The following KLF17 variants were observed in gnomAD, a reference collection of about 807,000 sequenced individuals.
KLF17 encodes KLF transcription factor 17.
A neutral mutation model predicts 34.2 loss-of-function variants in KLF17; 31 were observed. That is an observed-to-expected ratio of 0.91 (90% CI 0.68 to 1.22). The LOEUF (loss-of-function observed/expected upper bound fraction) is 1.22, where lower values mean the gene tolerates loss of function less well. KLF17 is among the 50% of genes most tolerant of loss of function. The probability of loss-of-function intolerance (pLI) is 0.00; values close to 1 mark genes in which losing one functional copy is unlikely to be tolerated. For missense variants in KLF17, 478 were observed against 505.2 expected (o/e 0.95, Z 0.52); for synonymous variants, 179 against 186.7 (o/e 0.96, Z 0.34).
chr1:44,100,633 T>C, the KLF17 span, among the ~76,000 whole-genome samples: 1 of 138,160 alleles, frequency 7.2e-6, no homozygotes, highest in African/African-American at 2.5e-5. Flanking sequence ...TTTTTGTTTT[T>C]GTTTTTGTTT....
the KLF17 span, among the ~76,000 whole-genome samples, chr1:44,096,004 C>A: frequency 6.6e-6 from 1 of 151,994 alleles, no homozygotes; most frequent in East Asian, 1.9e-4. Flanking sequence ...TGCAGTGGCC[C>A]AATCTTGGCT....
the KLF17 span, among the ~76,000 whole-genome samples, chr1:44,067,213 A>T: frequency 1.3e-5 from 2 of 152,188 alleles, no homozygotes; most frequent in Non-Finnish European, 2.9e-5. Flanking sequence ...CCCTTGAGTG[A>T]TGGTTGCTGC....
the KLF17 span, among the ~76,000 whole-genome samples, chr1:44,080,279 T>C: frequency 1.8e-3 from 238 of 130,494 alleles, no homozygotes; most frequent in African/African-American, 6.3e-3. Context: ...TGCTCTGTCG[T>C]CCAGGCTGGA....
the KLF17 span, among the ~76,000 whole-genome samples, chr1:44,095,656 A>C: frequency 2.0e-5 from 3 of 152,220 alleles, no homozygotes; most frequent in Non-Finnish European, 4.4e-5. Flanking sequence ...TGAACATGGA[A>C]TATCTTTCCA....
chr1:44,131,070 C>T (rs2088103936), intron 3 of KLF17, among the ~76,000 whole-genome samples: 2 of 152,220 alleles, frequency 1.3e-5, no homozygotes, highest in Non-Finnish European at 2.9e-5. Flanking sequence ...GCTGGGATTA[C>T]AGGCGTGAGC....
the KLF17 span, among the ~76,000 whole-genome samples, chr1:44,062,828 G>T: frequency 6.6e-6 from 1 of 152,070 alleles, no homozygotes; most frequent in African/African-American, 2.4e-5. Flanking sequence ...GAAAACTTTG[G>T]CAGTGTTTAC....
the KLF17 span, among the ~76,000 whole-genome samples, chr1:44,090,960 G>GCACA: frequency 1.1e-3 from 169 of 150,170 alleles, no homozygotes; most frequent in African/African-American, 3.6e-3. Flanking sequence ...ACGCACGCAT[G>GCACA]CACACACACA....
At chr1:44,117,285 T>A (rs2087889470), upstream of KLF17, 1 of 152,052 alleles carries the variant, frequency 6.6e-6, no homozygotes, top group Non-Finnish European at 1.5e-5. Flanking sequence ...CTGAACTTAG[T>A]GTGGACACCC....
chr1:44,054,997 T>G, the KLF17 span, among the ~76,000 whole-genome samples: 3 of 151,886 alleles, frequency 2.0e-5, no homozygotes, highest in African/African-American at 7.3e-5. Context: ...GCCAGGATGG[T>G]CTTGATCTCC....
chr1:44,045,536 A>G, the KLF17 span, among the ~76,000 whole-genome samples: 34 of 152,278 alleles, frequency 2.2e-4, 1 homozygote, highest in African/African-American at 7.7e-4. Context: ...TAGGTGGCTC[A>G]TCATGACATC....
chr1:44,054,866 G>C, the KLF17 span, among the ~76,000 whole-genome samples: 3 of 144,834 alleles, frequency 2.1e-5, no homozygotes, highest in African/African-American at 7.8e-5. Context: ...TGCAACCTCT[G>C]CCTCCTGGGT....
chr1:44,103,801 C>T, the KLF17 span: 3 of 863,074 alleles, frequency 3.5e-6, no homozygotes, highest in African/African-American at 4.9e-5. Context: ...GCCCTCTGGC[C>T]TTTGAGGCAC....
the KLF17 span, among the ~76,000 whole-genome samples, chr1:44,110,241 C>T: frequency 6.6e-6 from 1 of 152,026 alleles, no homozygotes; most frequent in African/African-American, 2.4e-5. Context: ...TGAACACACT[C>T]ATGAAAATGA....
intron 1 of KLF17, among the ~76,000 whole-genome samples, chr1:44,127,686 C>CTTTTT (rs1230038812): frequency 2.4e-5 from 1 of 40,822 alleles, no homozygotes; most frequent in African/African-American, 7.0e-5. Flanking sequence ...TTCTTTCTTT[C>CTTTTT]TTTCTTTTTC....
chr1:44,116,297 A>G (rs1460429749), upstream of KLF17, among the ~76,000 whole-genome samples: 1 of 152,168 alleles, frequency 6.6e-6, no homozygotes, highest in East Asian at 1.9e-4. Context: ...CCTAAGATAC[A>G]TAAGAGCCTT....
At chr1:44,121,997 TA>T (rs1046972920) in intron 1 of KLF17, among the ~76,000 whole-genome samples, 1 of 152,252 alleles carries the variant, frequency 6.6e-6, no homozygotes, top group Non-Finnish European at 1.5e-5. Flanking sequence ...TAAATTTCCT[TA>T]GGGATGGCAA....
the KLF17 span, among the ~76,000 whole-genome samples, chr1:44,087,712 T>A: frequency 7.7e-6 from 1 of 129,852 alleles, no homozygotes; most frequent in Non-Finnish European, 1.6e-5. Flanking sequence ...CTGGTGCCTC[T>A]TCCTATATAT....
intron 1 of KLF17, 40 bp from the exon 2 acceptor site, chr1:44,129,313 T>C (rs769921945): frequency 7.3e-6 from 11 of 1,506,754 alleles, no homozygotes; most frequent in Non-Finnish European, 8.0e-6. Context: ...CATGTGGAAC[T>C]GGAATTTGAG....
At chr1:44,091,969 T>A in the KLF17 span, among the ~76,000 whole-genome samples, 24,987 of 130,980 alleles carry the variant, frequency 0.19, 3,173 homozygotes, top group South Asian at 0.31. Context: ...ACACTCTCTC[T>A]CTCTCTCTCT....
Sources: allele counts gnomAD v4.1 joint callset (sites outside exome capture counted in the v4.1 genomes callset), GRCh38; gene constraint gnomAD v4.1.1; transcripts MANE v1.5; gene names NCBI Gene and HGNC (gene_info 2026-07-23, HGNC 2026-07-21).